DCTN5: variants seen among roughly 807,000 people sequenced by gnomAD.
DCTN5 encodes the protein dynactin subunit 5.
Under a neutral mutation model 23.5 loss-of-function variants are expected in DCTN5, and 14 were observed. The observed-to-expected ratio is 0.60, with a 90% CI of 0.39 to 0.93. The LOEUF (loss-of-function observed/expected upper bound fraction) is 0.93, where lower values mean the gene tolerates loss of function less well. DCTN5 is among the 40% of genes least tolerant of loss of function. DCTN5 has a pLI of 0.00. For missense variants in DCTN5, 156 were observed against 225.9 expected (o/e 0.69, Z 1.98); for synonymous variants, 67 against 79.6 (o/e 0.84, Z 0.84).
At chr16:23,662,353 C>G (rs1176559488) in intron 4 of DCTN5, among the ~76,000 whole-genome samples, 1 of 152,082 alleles carries the variant, frequency 6.6e-6, no homozygotes, top group East Asian at 1.9e-4. Flanking sequence ...TCTGTAGGAC[C>G]CTGGTCCATT....
At chr16:23,657,873 T>C (rs1967738389) in intron 2 of DCTN5, among the ~76,000 whole-genome samples, 1 of 152,248 alleles carries the variant, frequency 6.6e-6, no homozygotes, top group Non-Finnish European at 1.5e-5. Context: ...CTTTTTCCAG[T>C]TACAACTCCA....
chr16:23,642,829 C>G, intron 1 of DCTN5, 126 bp from the exon 2 acceptor site: 2 of 754,958 alleles, frequency 2.6e-6, no homozygotes, highest in Non-Finnish European at 4.7e-6. Context: ...ATCCTGGACT[C>G]ACTCCATTGT....
rs937291868 is a variant in DCTN5, at chr16:23,675,950, T to G, written c.*8806T>G. 6.6e-6 allele frequency: 1 copy of G among 152,180 alleles called. No individual in the cohort carries two copies. Among genetic ancestry groups the G allele is most frequent in the African/African-American group, 2.4e-5 (1 of 41,446 alleles). 9.4% of individuals were successfully genotyped at this position (152,180 alleles called of 1,614,324 possible). A position where few individuals can be genotyped will look rare whatever the true frequency, so the allele number is the denominator to read the frequency against. ...ACTTTTCAGATGGGACTGGAAACAC[T>G]TGGGCAGGAGTTCCCCTGGTAGGAG... On this transcript the variant is annotated 3_prime_UTR_variant, in exon 6 of 6. Transcript: ENST00000300087.
intron 2 of DCTN5, chr16:23,650,944 G>A: frequency 7.0e-7 from 1 of 1,424,712 alleles, no homozygotes; most frequent in Non-Finnish European, 9.5e-7. Context: ...AGGCCCACGT[G>A]GCAACAATCA....
chr16:23,645,283 G>A (rs1448513357), intron 2 of DCTN5, among the ~76,000 whole-genome samples: 1 of 150,458 alleles, frequency 6.6e-6, no homozygotes, highest in East Asian at 2.0e-4. Context: ...GTGCCACCAT[G>A]CCCAGCTAAT....
rs558173672 is a variant in DCTN5 at position 23,652,874 on chromosome 16, G to A, written c.118-5633G>A. Among the ~76,000 whole-genome samples the A allele has an allele frequency of 2.6e-5, 4 of 152,278 alleles. No individual in the cohort carries two copies. The East Asian group carries it at 7.7e-4, about 29-fold the overall frequency. On this transcript the variant is annotated intron_variant, in intron 2 of 5. Coordinates refer to ENST00000300087, the MANE Select transcript of DCTN5 (RefSeq NM_032486.4). The stretch of plus-strand genomic sequence containing the variant: ...AAGATTGGTTTTGGCTGGACGTGGT[G>A]GCCCACACCTGTAATCCCAGCACTT...
intron 2 of DCTN5, among the ~76,000 whole-genome samples, chr16:23,655,964 A>G (rs1967697263): frequency 1.3e-5 from 2 of 152,156 alleles, no homozygotes; most frequent in East Asian, 1.9e-4. Context: ...GTGGCTCACA[A>G]TTGGAATCCT....
rs760613760 is a variant in DCTN5 at position 23,667,192 on chromosome 16, G to A, written c.*48G>A. Reference sequence around the variant, plus strand: ...TCTGCTTGAGCTCTAAGATGAACCTGGGGACAAAGTGAGCCAGTCAGCACC... The same window carrying A: ...TCTGCTTGAGCTCTAAGATGAACCTAGGGACAAAGTGAGCCAGTCAGCACC... On this transcript the variant is annotated 3_prime_UTR_variant, in exon 6 of 6. Coordinates refer to ENST00000300087, the MANE Select transcript of DCTN5 (RefSeq NM_032486.4). 10 of 1,605,568 alleles carry A rather than the reference G, an allele frequency of 6.2e-6. No homozygotes were observed. The African/African-American group carries it at 1.1e-4, about 17-fold the overall frequency.
rs1417121761 is a variant in DCTN5 at position 23,667,529 on chromosome 16, C to G, written c.*385C>G. 1.0e-5 allele frequency: 2 copies of G among 192,516 alleles called. No individual in the cohort carries two copies. Among genetic ancestry groups the G allele is most frequent in the Non-Finnish European group, 2.2e-5 (2 of 91,234 alleles). The allele number at this position is 192,516 out of a possible 1,614,324, so 11.9% of individuals were successfully genotyped here. On this transcript the variant is annotated 3_prime_UTR_variant, in exon 6 of 6. Transcript: ENST00000300087. ...GTGTGGAGGCTATGTAGCTGGTGCG[C>G]TGCTCACGGCCATTCACTGCCCATG...
chr16:23,663,543 G>A (rs373142520), intron 4 of DCTN5, among the ~76,000 whole-genome samples: 27 of 151,920 alleles, frequency 1.8e-4, no homozygotes, highest in African/African-American at 5.6e-4. Flanking sequence ...GTGAAACCCC[G>A]TCTCTACTAA....
chr16:23,652,097 T>G (rs541923761), intron 2 of DCTN5, among the ~76,000 whole-genome samples: 2 of 152,136 alleles, frequency 1.3e-5, no homozygotes, highest in African/African-American at 4.8e-5. Flanking sequence ...GCAGCAGATG[T>G]GGAAGTTCTT....
intron 4 of DCTN5, 46 bp downstream of exon 4, chr16:23,661,327 A>G (rs1344292284): frequency 7.2e-7 from 1 of 1,390,614 alleles, no homozygotes; most frequent in African/African-American, 1.4e-5. Context: ...CTTTCCCTTC[A>G]GCTCCCATCC....
At position 23,668,936 on chromosome 16, in the gene DCTN5, A is replaced by G. The variant is rs575481714; in HGVS notation, c.*1792A>G. ...CCACATGATTAATCCAGTCTGGGTC[A>G]TGACCTTTTCTTCATCCAAAACAAG... is the stretch of plus-strand genomic sequence containing the variant. On this transcript the variant is annotated 3_prime_UTR_variant, in exon 6 of 6. Coordinates refer to ENST00000300087, the MANE Select transcript of DCTN5 (RefSeq NM_032486.4). The G allele has an allele frequency of 6.5e-6, 1 of 152,762 alleles. No homozygotes were observed. Among genetic ancestry groups the G allele is most frequent in the African/African-American group, 2.4e-5 (1 of 41,584 alleles). 9.5% of individuals were successfully genotyped at this position (152,762 alleles called of 1,614,324 possible).
chr16:23,665,805 A>C, intron 5 of DCTN5, 77 bp downstream of exon 5: 1 of 1,198,226 alleles, frequency 8.3e-7, no homozygotes, highest in South Asian at 1.3e-5. Context: ...AGTAATGCTT[A>C]CGATTCCTAT....
chr16:23,662,171 T>C (rs1424715206), intron 4 of DCTN5, among the ~76,000 whole-genome samples: 1 of 152,186 alleles, frequency 6.6e-6, no homozygotes, highest in African/African-American at 2.4e-5. Context: ...CTTATTGCCT[T>C]ACTTCACGGA....
intron 2 of DCTN5, among the ~76,000 whole-genome samples, chr16:23,656,834 T>C (rs564034562): frequency 1.5e-4 from 23 of 151,758 alleles, no homozygotes; most frequent in African/African-American, 5.1e-4. Flanking sequence ...CTACTAAAAA[T>C]ACAAAAATGA....
chr16:23,642,721 A>C (rs1967321860), intron 1 of DCTN5: 1 of 501,568 alleles, frequency 2.0e-6, no homozygotes, highest in South Asian at 2.4e-5. Context: ...TCCTGTCCTC[A>C]AGGGATCCGT....
intron 2 of DCTN5, among the ~76,000 whole-genome samples, chr16:23,650,455 C>T (rs1967576339): frequency 6.6e-6 from 1 of 151,628 alleles, no homozygotes; most frequent in African/African-American, 2.4e-5. Context: ...CACACACCAC[C>T]TCTTCCTCCC....
intron 2 of DCTN5, chr16:23,651,012 T>C: frequency 1.4e-6 from 2 of 1,409,910 alleles, no homozygotes; most frequent in Non-Finnish European, 1.8e-6. Context: ...CTTTTTAAAA[T>C]GCAAGATGTT....
Sources: allele counts gnomAD v4.1 joint callset (sites outside exome capture counted in the v4.1 genomes callset), GRCh38; gene constraint gnomAD v4.1.1; transcripts MANE v1.5; gene names NCBI Gene and HGNC (gene_info 2026-07-23, HGNC 2026-07-21).